The following DOP1B variants were observed in gnomAD, a reference collection of about 807,000 sequenced individuals.
DOP1B encodes protein DOP1B.
A neutral mutation model predicts 233.5 loss-of-function variants in DOP1B; 174 were observed. The ratio of observed to expected loss-of-function variants is 0.75; its 90% CI spans 0.66 to 0.85. The LOEUF (loss-of-function observed/expected upper bound fraction) is 0.85. Among genes scored for constraint, DOP1B ranks in the 40% least tolerant of loss-of-function variants. The probability of loss-of-function intolerance (pLI) is 0.00; values close to 1 mark genes in which losing one functional copy is unlikely to be tolerated. For synonymous variants in DOP1B, 1,190 were observed against 1,185.6 expected (o/e 1.00, Z -0.08); for missense variants, 2,652 against 2,846.6 (o/e 0.93, Z 1.56).
At chr21:36,288,681 A>T in intron 33 of DOP1B, 75 bp from the exon 34 acceptor site, 1 of 1,140,222 alleles carries the variant, frequency 8.8e-7, no homozygotes, top group Non-Finnish European at 1.3e-6. Flanking sequence ...ATCGATTTTT[A>T]AAAATAAGTA....
chr21:36,193,435 C>T (rs1453711841), intron 2 of DOP1B, among the ~76,000 whole-genome samples: 1 of 152,094 alleles, frequency 6.6e-6, no homozygotes, highest in African/African-American at 2.4e-5. Flanking sequence ...TTCCTTCCCT[C>T]TGGGTATAGG....
chr21:36,265,051 A>T (rs932756063), intron 26 of DOP1B, among the ~76,000 whole-genome samples: 1 of 152,202 alleles, frequency 6.6e-6, no homozygotes, highest in Admixed American at 6.5e-5. Context: ...TGTGAAAGGT[A>T]TATCCAGAAA....
chr21:36,191,156 G>A (rs568114374), intron 2 of DOP1B, among the ~76,000 whole-genome samples: 14 of 151,964 alleles, frequency 9.2e-5, no homozygotes, highest in African/African-American at 1.7e-4. Flanking sequence ...TAATGTCAGC[G>A]ACATTGCCAA....
At chr21:36,292,765 C>A (rs1428769648) in intron 36 of DOP1B, among the ~76,000 whole-genome samples, 1 of 152,052 alleles carries the variant, frequency 6.6e-6, no homozygotes, top group Non-Finnish European at 1.5e-5. Flanking sequence ...GCACATGCCA[C>A]CACTCTTGGG....
intron 34 of DOP1B, 88 bp downstream of exon 34, chr21:36,288,899 T>C: frequency 2.1e-6 from 3 of 1,454,018 alleles, no homozygotes; most frequent in Non-Finnish European, 2.8e-6. Flanking sequence ...TAATGTTAAA[T>C]GCTGTTATCT....
intron 28 of DOP1B, 94 bp downstream of exon 28, chr21:36,277,194 G>A (rs1326295317): frequency 1.1e-5 from 14 of 1,283,556 alleles, no homozygotes; most frequent in African/African-American, 2.9e-5. Flanking sequence ...GCCAGTGAGC[G>A]TGGGCCGCAC....
At chr21:36,253,328 G>C (rs144270196) in intron 22 of DOP1B, among the ~76,000 whole-genome samples, 2 of 152,198 alleles carry the variant, frequency 1.3e-5, no homozygotes, top group African/African-American at 4.8e-5. Context: ...CCCCATCATG[G>C]CCTGCACCTT....
intron 9 of DOP1B, among the ~76,000 whole-genome samples, chr21:36,218,383 C>T (rs1328700433): frequency 1.3e-5 from 2 of 151,924 alleles, no homozygotes; most frequent in African/African-American, 2.4e-5. Context: ...ATTAGCTGGG[C>T]GTGGTGGCAC....
At chr21:36,216,987 A>T (rs977805287) in intron 9 of DOP1B, among the ~76,000 whole-genome samples, 1 of 151,884 alleles carries the variant, frequency 6.6e-6, no homozygotes, top group Non-Finnish European at 1.5e-5. Context: ...AGGCACAAGA[A>T]TCACTTGAAT....
intron 14 of DOP1B, among the ~76,000 whole-genome samples, chr21:36,231,931 C>T (rs1352371989): frequency 1.3e-5 from 2 of 151,806 alleles, no homozygotes; most frequent in South Asian, 2.1e-4. Flanking sequence ...CTACAGCCTC[C>T]GCCTCCCGGG....
intron 32 of DOP1B, 115 bp downstream of exon 32, chr21:36,281,726 A>C: frequency 1.0e-6 from 1 of 1,002,104 alleles, no homozygotes; most frequent in Non-Finnish European, 1.4e-6. Flanking sequence ...GAAGTCCTAT[A>C]TCCAGGGCTG....
chr21:36,158,469 T>G (rs567938000), intron 1 of DOP1B, among the ~76,000 whole-genome samples: 1 of 152,278 alleles, frequency 6.6e-6, no homozygotes, highest in East Asian at 1.9e-4. Context: ...TATCCTCATC[T>G]TGGGCCTAAT....
In DOP1B at chr21:36,249,835, G is replaced by A. The variant is rs183270364; in HGVS notation, c.4998+1267G>A. On this transcript the variant is annotated intron_variant, in intron 21 of 36. Transcript: ENST00000691173. Reference sequence around the variant, plus strand: ...TGCCATCCTGCATTTAGGTACCACGGTGCGTTGTTGGCCTCCAGACATTCT... The same window carrying A: ...TGCCATCCTGCATTTAGGTACCACGATGCGTTGTTGGCCTCCAGACATTCT... Among the ~76,000 whole-genome samples, 15 of 152,292 alleles carry A rather than the reference G, an allele frequency of 9.8e-5. No homozygotes were observed. In the East Asian group the frequency reaches 2.5e-3, roughly 25 times the overall value.
intron 23 of DOP1B, among the ~76,000 whole-genome samples, chr21:36,257,295 G>A (rs1406734045): frequency 2.0e-5 from 3 of 152,140 alleles, no homozygotes; most frequent in Non-Finnish European, 4.4e-5. Flanking sequence ...AACTTCATTG[G>A]ATGGGTATGA....
chr21:36,249,311 C>T (rs750990488), intron 21 of DOP1B, among the ~76,000 whole-genome samples: 1 of 151,992 alleles, frequency 6.6e-6, no homozygotes, highest in Non-Finnish European at 1.5e-5. Flanking sequence ...ACCTGTAGTC[C>T]GAGCTACTCA....
chr21:36,177,572 G>A (rs142694782), intron 2 of DOP1B, among the ~76,000 whole-genome samples: 255 of 152,240 alleles, frequency 1.7e-3, no homozygotes, highest in South Asian at 3.7e-3. Context: ...GGGTTGGGGG[G>A]GCCTTTAAAA....
intron 22 of DOP1B, among the ~76,000 whole-genome samples, chr21:36,252,645 C>T (rs547038624): frequency 3.2e-4 from 48 of 151,926 alleles, no homozygotes; most frequent in Non-Finnish European, 5.9e-4. Flanking sequence ...TCCTGAGCAG[C>T]TGGGATTACA....
At chr21:36,277,141 C>T (rs368848424) in intron 28 of DOP1B, 41 bp downstream of exon 28, 69 of 1,592,732 alleles carry the variant, frequency 4.3e-5, no homozygotes, top group African/African-American at 1.1e-4. Flanking sequence ...TGGAAATGAG[C>T]GCCATCACGA....
Position 36,193,018 on chromosome 21 carries a change from A to G in DOP1B, c.139-6052A>G, listed in dbSNP as rs1225878895. Among the ~76,000 whole-genome samples, 3 of 152,142 alleles carry G rather than the reference A, an allele frequency of 2.0e-5. 1 individual carries two copies. Among genetic ancestry groups the G allele is most frequent in the East Asian group, 1.9e-4 (1 of 5,190 alleles). ...TTCATTCTTTAGAACAAGGAAATTC[A>G]TACTGTTTTATCTAAGAAAGAAGCT... is the stretch of plus-strand genomic sequence containing the variant. On this transcript the variant is annotated intron_variant, in intron 2 of 36. Coordinates refer to ENST00000691173, the MANE Select transcript of DOP1B (RefSeq NM_001320714.2).
Sources: gnomAD v4.1 joint callset for allele counts (sites outside exome capture counted in the v4.1 genomes callset) on GRCh38, gnomAD v4.1.1 for gene constraint, MANE v1.5 for transcripts, NCBI Gene and HGNC (gene_info 2026-07-23, HGNC 2026-07-21) for gene names.